Variants in DOCK10 observed in about 807,000 individuals in gnomAD.
The protein encoded by DOCK10 is dedicator of cytokinesis protein 10.
DOCK10 carries 145 observed loss-of-function variants against 280.1 expected under a neutral mutation model. The ratio of observed to expected loss-of-function variants is 0.52; its 90% CI spans 0.45 to 0.59. DOCK10 has a LOEUF of 0.59. Ranked by LOEUF, DOCK10 falls within the 20% of genes least tolerant of loss-of-function variation. DOCK10 has a pLI of 0.00. For synonymous variants in DOCK10, 915 were observed against 942.2 expected, an observed-to-expected ratio of 0.97 and a Z score of 0.53; for missense variants, 2,368 against 2,651.7, an observed-to-expected ratio of 0.89 and a Z score of 2.35.
chr2:224,774,285 C>T (rs1292793653), intron 52 of DOCK10, among the ~76,000 whole-genome samples: 2 of 152,180 alleles, frequency 1.3e-5, no homozygotes, highest in African/African-American at 2.4e-5. Context: ...CTGCTCCGCT[C>T]ATCTGAAATT....
intron 4 of DOCK10, among the ~76,000 whole-genome samples, chr2:224,888,502 C>G (rs1438937238): frequency 6.7e-6 from 1 of 150,176 alleles, no homozygotes; most frequent in Non-Finnish European, 1.5e-5. Context: ...GTATAGCATT[C>G]TCTTTATTCA....
rs1227401684 is a variant in DOCK10 at position 224,819,507 on chromosome 2, C to T, written c.3206G>A (p.Arg1069Gln). 3.7e-6 allele frequency: 6 copies of T among 1,607,942 alleles called. No individual in the cohort carries two copies. The highest frequency in any genetic ancestry group is 5.1e-6 in the Non-Finnish European group (6 of 1,177,316). Residue 1069 changes from arginine (R) to glutamine (Q), a missense_variant, in exon 29 of 56, where the codon CGA becomes CAA. Arg to Gln is a conservative substitution (Grantham distance 43). Transcript: ENST00000258390. ...GTTGACCATCTTAAACACATACCCT[C>T]GGTCCATAAATGTAAAGCAGCGCTA... is the stretch of plus-strand genomic sequence containing the variant. ...FLKRCFTFMD[R>Q]GYVFKMVNNY...
intron 1 of DOCK10, among the ~76,000 whole-genome samples, chr2:225,020,572 A>T (rs1363634894): frequency 6.6e-6 from 1 of 152,232 alleles, no homozygotes; most frequent in Non-Finnish European, 1.5e-5. Flanking sequence ...ATTCTAAAAA[A>T]TTTCTTCCCT....
chr2:225,016,988 G>A (rs1466580245), intron 1 of DOCK10, among the ~76,000 whole-genome samples: 1 of 151,956 alleles, frequency 6.6e-6, no homozygotes, highest in African/African-American at 2.4e-5. Context: ...CTCCCAAAGT[G>A]CTGGGATTAC....
At position 224,770,442 on chromosome 2, in the gene DOCK10, C is replaced by T. The variant is rs1288280511; in HGVS notation, c.6306-93G>A. The T allele has an allele frequency of 1.6e-5, 25 of 1,559,338 alleles. No individual in the cohort carries two copies. The highest frequency in any genetic ancestry group is 2.4e-5 in the South Asian group (2 of 84,484). On this transcript the variant is annotated intron_variant, in intron 54 of 55. Coordinates refer to ENST00000258390, the MANE Select transcript of DOCK10 (RefSeq NM_014689.3). The surrounding 1 kb of genome is among the most constrained non-coding windows in gnomAD (Gnocchi z 4.5). ...AGTTCAGAGTCAGGCTGCTGATGGA[C>T]TCTGCCACCTCAGTGAGTTTTGGTG...
At position 224,808,013 on chromosome 2, in the gene DOCK10, A is replaced by C; in HGVS notation, c.3483T>G (p.Val1161=). ...HFLIGILLRE[V]GFALQEDQDV... is the part of the protein sequence containing the mutation. ...CTTGGTCTTCCTGCAGGGCAAAGCCAACTTCTCGGAGCAGAATTCCGATTA... is the reference window on the plus strand; with the variant it reads ...CTTGGTCTTCCTGCAGGGCAAAGCCCACTTCTCGGAGCAGAATTCCGATTA... The change falls in exon 32 of 56, where the codon GTT becomes GTG. Residue 1161 remains valine, a synonymous_variant. Coordinates refer to ENST00000258390, the MANE Select transcript of DOCK10 (RefSeq NM_014689.3). 2 of 1,612,932 alleles carry C rather than the reference A, an allele frequency of 1.2e-6. No individual in the cohort carries two copies. Among genetic ancestry groups the C allele is most frequent in the Non-Finnish European group, 1.7e-6 (2 of 1,179,368 alleles).
intron 1 of DOCK10, among the ~76,000 whole-genome samples, chr2:225,007,364 G>GT (rs1314715981): frequency 1.3e-5 from 2 of 152,126 alleles, no homozygotes; most frequent in East Asian, 3.9e-4. Context: ...CCTGTAAATA[G>GT]TCCATGAGGC....
intron 1 of DOCK10, among the ~76,000 whole-genome samples, chr2:225,025,668 T>C (rs1349165718): frequency 2.0e-5 from 3 of 152,166 alleles, no homozygotes; most frequent in Non-Finnish European, 2.9e-5. Flanking sequence ...CTCAGAAGCA[T>C]TGGACCGAAA....
chr2:224,864,879 T>C lies in DOCK10; in HGVS notation c.1466A>G (p.Lys489Arg), dbSNP rs770310430. The change falls in exon 12 of 56, where the codon AAA (lysine) becomes AGA (arginine). Residue 489 changes from lysine to arginine, a missense_variant. Lys to Arg is a conservative substitution (Grantham distance 26). Coordinates refer to ENST00000258390, the MANE Select transcript of DOCK10 (RefSeq NM_014689.3). Reference sequence around the variant, plus strand: ...ACAAAGTGCCACCTGCTTTGGAAATTTTAGCCATTCCTCTGGAAGTCCCTT... The same window carrying C: ...ACAAAGTGCCACCTGCTTTGGAAATCTTAGCCATTCCTCTGGAAGTCCCTT... The part of the protein sequence containing the change: ...HIKGLPEEWL[K>R]FPKQAVFSVS... 3 of 1,613,880 alleles carry C rather than the reference T, an allele frequency of 1.9e-6. No homozygotes were observed. The highest frequency in any genetic ancestry group is 1.1e-5 in the South Asian group (1 of 91,090).
intron 1 of DOCK10, among the ~76,000 whole-genome samples, chr2:224,964,535 C>T (rs888946698): frequency 6.6e-5 from 10 of 151,580 alleles, no homozygotes; most frequent in South Asian, 2.1e-4. Flanking sequence ...GACACGGTCT[C>T]GCCCCATCAC....
intron 33 of DOCK10, 29 bp downstream of exon 33, chr2:224,807,639 T>C (rs1693485454): frequency 7.3e-7 from 1 of 1,378,674 alleles, no homozygotes. Flanking sequence ...TTTATTAACA[T>C]AGAAATGTGA....
chr2:225,021,440 G>A (rs957276354), intron 1 of DOCK10, among the ~76,000 whole-genome samples: 14 of 152,234 alleles, frequency 9.2e-5, no homozygotes, highest in African/African-American at 3.4e-4. Context: ...TGCCCTTAGT[G>A]TTTATTTTAA....
rs145340798 is a variant in DOCK10 at position 224,883,869 on chromosome 2, A to G, written c.747+1802T>C. Among the ~76,000 whole-genome samples the G allele has an allele frequency of 4.3e-3, 659 of 152,334 alleles. 2 individuals are homozygous for G. Among genetic ancestry groups the G allele is most frequent in the African/African-American group, 0.015 (608 of 41,572 alleles). On this transcript the variant is annotated intron_variant, in intron 7 of 55. Transcript: ENST00000258390. ...ACCTGGGTTTCTGCAAACTTAATAT[A>G]TAACAAAAGACTACAATGGTACTTC...
In DOCK10 at chr2:224,836,049, C is replaced by A. The variant is rs1011257299; in HGVS notation, c.2850+1713G>T. On this transcript the variant is annotated intron_variant, in intron 25 of 55. Coordinates refer to ENST00000258390, the MANE Select transcript of DOCK10 (RefSeq NM_014689.3). ...TAGCCTTGGTAATCACAAAAATAGTCACAACACCGGAGGGTTCTTAATGTA... is the reference window on the plus strand; with the variant it reads ...TAGCCTTGGTAATCACAAAAATAGTAACAACACCGGAGGGTTCTTAATGTA... Among the ~76,000 whole-genome samples, 26 of 152,212 alleles carry A rather than the reference C, an allele frequency of 1.7e-4. 1 individual carries two copies. Among genetic ancestry groups the A allele is most frequent in the Non-Finnish European group, 2.9e-5 (2 of 68,038 alleles).
chr2:224,890,654 G>A (rs1220811402), intron 4 of DOCK10, among the ~76,000 whole-genome samples: 1 of 152,208 alleles, frequency 6.6e-6, no homozygotes, highest in East Asian at 1.9e-4. Flanking sequence ...ATATCACTCA[G>A]AAGCATTGTG....
At chr2:225,030,490 C>A (rs1575175381) in intron 1 of DOCK10, among the ~76,000 whole-genome samples, 1 of 152,116 alleles carries the variant, frequency 6.6e-6, no homozygotes, top group Non-Finnish European at 1.5e-5. Flanking sequence ...GCACCCTGCT[C>A]GGGGTGGCCT....
intron 47 of DOCK10, among the ~76,000 whole-genome samples, chr2:224,789,457 G>C (rs1401718049): frequency 6.6e-6 from 1 of 152,160 alleles, no homozygotes; most frequent in Non-Finnish European, 1.5e-5. Context: ...CAATCTTCTG[G>C]TTTAATCTCG....
At position 224,765,574 on chromosome 2, in the gene DOCK10, G is replaced by T; in HGVS notation, c.*147C>A. On this transcript the variant is annotated 3_prime_UTR_variant, in exon 56 of 56. Coordinates refer to ENST00000258390, the MANE Select transcript of DOCK10 (RefSeq NM_014689.3). ...ATTATACAAAATGTGCAAATTCAGA[G>T]GTTGGCAAAATTCTGAAGCTAGCGA... is the stretch of plus-strand genomic sequence containing the variant. The T allele has an allele frequency of 8.7e-6, 5 of 572,172 alleles. No homozygotes were observed. The highest frequency in any genetic ancestry group is 1.5e-5 in the Non-Finnish European group (5 of 328,950). 35.4% of individuals were successfully genotyped at this position (572,172 alleles called of 1,614,324 possible). A position where few individuals can be genotyped will look rare whatever the true frequency, so the allele number is the denominator to read the frequency against.
intron 1 of DOCK10, among the ~76,000 whole-genome samples, chr2:224,951,197 GT>G (rs929730211): frequency 6.6e-6 from 1 of 152,158 alleles, no homozygotes; most frequent in African/African-American, 2.4e-5. Flanking sequence ...AGCTTATAGG[GT>G]TGCTGTGAAA....
Sources: allele counts gnomAD v4.1 joint callset (sites outside exome capture counted in the v4.1 genomes callset), GRCh38; gene constraint gnomAD v4.1.1; non-coding constraint Gnocchi (gnomAD v3.1); transcripts MANE v1.5; gene names NCBI Gene and HGNC (gene_info 2026-07-23, HGNC 2026-07-21).